The following NDUFAF5 variants were observed in gnomAD, a reference collection of about 807,000 sequenced individuals.
NDUFAF5 encodes arginine-hydroxylase NDUFAF5, mitochondrial.
Under a neutral mutation model 48.9 loss-of-function variants are expected in NDUFAF5, and 34 were observed. The ratio of observed to expected loss-of-function variants is 0.70; its 90% CI spans 0.53 to 0.93. The LOEUF (loss-of-function observed/expected upper bound fraction) is 0.93. Ranked by LOEUF, NDUFAF5 falls within the 40% of genes least tolerant of loss-of-function variation. The pLI, the probability that NDUFAF5 is intolerant of heterozygous loss-of-function variation, is 0.00. For synonymous variants in NDUFAF5, 153 were observed against 150.6 expected, an observed-to-expected ratio of 1.02 and a Z score of -0.12; for missense variants, 428 against 427.5, an observed-to-expected ratio of 1.00 and a Z score of -0.01.
At chr20:13,789,304 A>G (rs1981818807) in intron 3 of NDUFAF5, among the ~76,000 whole-genome samples, 1 of 151,534 alleles carries the variant, frequency 6.6e-6, no homozygotes, top group Admixed American at 6.6e-5. Context: ...AGCTGGGATT[A>G]TGGGGGTGCA....
intron 6 of NDUFAF5, among the ~76,000 whole-genome samples, chr20:13,800,955 G>GAGC (rs1285993352): frequency 6.6e-6 from 1 of 152,172 alleles, no homozygotes; most frequent in Non-Finnish European, 1.5e-5. Context: ...GGCTCCAAGA[G>GAGC]AGCAGGTGGA....
intron 7 of NDUFAF5, among the ~76,000 whole-genome samples, chr20:13,805,557 A>G (rs1163578284): frequency 6.6e-6 from 1 of 152,196 alleles, no homozygotes; most frequent in African/African-American, 2.4e-5. Flanking sequence ...TTGCTGATTT[A>G]ATAAGAAAGT....
intron 1 of NDUFAF5, among the ~76,000 whole-genome samples, chr20:13,786,319 A>G (rs1981112367): frequency 6.6e-6 from 1 of 152,174 alleles, no homozygotes; most frequent in Non-Finnish European, 1.5e-5. Flanking sequence ...GAAGTTTACT[A>G]CCAATAAATT....
chr20:13,806,951 C>T (rs1310838026), intron 7 of NDUFAF5, among the ~76,000 whole-genome samples: 2 of 152,052 alleles, frequency 1.3e-5, no homozygotes, highest in African/African-American at 2.4e-5. Context: ...GCGAGATCTC[C>T]GCTTACTGCA....
At chr20:13,785,872 TA>T (rs1375307366) in intron 1 of NDUFAF5, among the ~76,000 whole-genome samples, 1 of 152,232 alleles carries the variant, frequency 6.6e-6, no homozygotes, top group Non-Finnish European at 1.5e-5. Flanking sequence ...ATTTTTCAAT[TA>T]AAATTTCTCT....
intron 1 of NDUFAF5, 152 bp downstream of exon 1, chr20:13,785,442 A>T: frequency 1.5e-6 from 1 of 651,072 alleles, no homozygotes; most frequent in Admixed American, 2.9e-5. Flanking sequence ...GTAATCACGC[A>T]AGGCCTGGCC....
At chr20:13,801,797 CTTTT>C in intron 7 of NDUFAF5, 114 bp downstream of exon 7, 1 of 774,498 alleles carries the variant, frequency 1.3e-6, no homozygotes, top group Non-Finnish European at 2.1e-6. Context: ...CTTTCTCTCC[CTTTT>C]TTTTTCTCTT....
At chr20:13,803,050 T>C (rs913163604) in intron 7 of NDUFAF5, 2 of 152,244 alleles carry the variant, frequency 1.3e-5, no homozygotes, top group Non-Finnish European at 2.9e-5. Flanking sequence ...ATGATAAGCT[T>C]AAACGCTAAA....
At chr20:13,796,372 G>T (rs1023951099) in intron 5 of NDUFAF5, among the ~76,000 whole-genome samples, 1 of 152,160 alleles carries the variant, frequency 6.6e-6, no homozygotes, top group Non-Finnish European at 1.5e-5. Context: ...CAGAACCTGA[G>T]TTTTTATGTT....
At chr20:13,804,938 G>C (rs1984781823) in intron 7 of NDUFAF5, among the ~76,000 whole-genome samples, 1 of 152,228 alleles carries the variant, frequency 6.6e-6, no homozygotes, top group Admixed American at 6.5e-5. Flanking sequence ...GTTTTCATCA[G>C]ATCTTGAGAG....
intron 7 of NDUFAF5, among the ~76,000 whole-genome samples, chr20:13,805,756 T>C (rs977813617): frequency 2.6e-5 from 4 of 151,788 alleles, no homozygotes; most frequent in African/African-American, 7.3e-5. Context: ...CTGGGCAACA[T>C]AGGGAGTCCT....
intron 7 of NDUFAF5, among the ~76,000 whole-genome samples, chr20:13,807,774 T>G (rs1012592521): frequency 6.6e-6 from 1 of 151,054 alleles, no homozygotes; most frequent in Non-Finnish European, 1.5e-5. Flanking sequence ...AAAGCCCGTC[T>G]CTACTAAAAA....
At chr20:13,793,427 T>G (rs971552545) in intron 4 of NDUFAF5, among the ~76,000 whole-genome samples, 200 bp downstream of exon 4, 2 of 152,222 alleles carry the variant, frequency 1.3e-5, no homozygotes, top group African/African-American at 2.4e-5. Context: ...TTGGTGGCAC[T>G]TGGTCTCCAC....
At chr20:13,792,507 A>G (rs1239822725) in intron 3 of NDUFAF5, among the ~76,000 whole-genome samples, 1 of 152,238 alleles carries the variant, frequency 6.6e-6, no homozygotes, top group African/African-American at 2.4e-5. Context: ...GAAAGAATCT[A>G]GGAAGAAGTA....
chr20:13,806,259 A>G (rs562671442), intron 7 of NDUFAF5, among the ~76,000 whole-genome samples: 25 of 152,186 alleles, frequency 1.6e-4, no homozygotes, highest in African/African-American at 5.1e-4. Context: ...TCTAATCCTA[A>G]CACTTTGGGA....
At position 13,802,777 on chromosome 20, in the gene NDUFAF5, G is replaced by T. The variant is rs1480190880; in HGVS notation, c.717+1094G>T. On this transcript the variant is annotated intron_variant, in intron 7 of 10. Transcript: ENST00000378106. ...AGATGCTCAGCTTACATTAGCTCCTGCCTTCCTCTTTCCCCATCACTCTAC... is the reference window on the plus strand; with the variant it reads ...AGATGCTCAGCTTACATTAGCTCCTTCCTTCCTCTTTCCCCATCACTCTAC... 2.6e-5 allele frequency among the ~76,000 whole-genome samples: 4 copies of T among 151,550 alleles called. No individual in the cohort carries two copies. In the East Asian group the frequency reaches 7.8e-4, roughly 30 times the overall value.
chr20:13,805,927 C>CA (rs907187554), intron 7 of NDUFAF5, among the ~76,000 whole-genome samples: 4 of 151,160 alleles, frequency 2.6e-5, no homozygotes, highest in Non-Finnish European at 5.9e-5. Flanking sequence ...ATCCTGTCTC[C>CA]AAAAAAAATA....
chr20:13,803,453 T>C (rs886598754), intron 7 of NDUFAF5: 2 of 152,252 alleles, frequency 1.3e-5, no homozygotes, highest in African/African-American at 2.4e-5. Context: ...ATATTTGTAA[T>C]TGTATAAGTA....
intron 8 of NDUFAF5, among the ~76,000 whole-genome samples, chr20:13,813,903 A>T (rs1171511628): frequency 6.6e-6 from 1 of 152,046 alleles, no homozygotes; most frequent in Non-Finnish European, 1.5e-5. Flanking sequence ...AGGCTTCTAG[A>T]TTTTTTTCAG....
Sources: gnomAD v4.1 joint callset for allele counts (sites outside exome capture counted in the v4.1 genomes callset) on GRCh38, gnomAD v4.1.1 for gene constraint, MANE v1.5 for transcripts, NCBI Gene and HGNC (gene_info 2026-07-23, HGNC 2026-07-21) for gene names.